The following SH3RF3 variants were observed in gnomAD, a reference collection of about 807,000 sequenced individuals.
SH3RF3 encodes the protein E3 ubiquitin-protein ligase SH3RF3.
Under a neutral mutation model 66.3 loss-of-function variants are expected in SH3RF3, and 29 were observed. The observed-to-expected ratio is 0.44, with a 90% confidence interval of 0.33 to 0.60. The LOEUF is 0.60. SH3RF3 is among the 20% of genes least tolerant of loss of function. SH3RF3 has a pLI of 0.04. For missense variants in SH3RF3, 1,194 were observed against 1,190.9 expected, an observed-to-expected ratio of 1.00 and a Z score of -0.04; for synonymous variants, 583 against 532.0, an observed-to-expected ratio of 1.10 and a Z score of -1.32.
intron 1 of SH3RF3, among the ~76,000 whole-genome samples, chr2:109,148,053 T>C (rs974286544): frequency 2.0e-5 from 3 of 152,190 alleles, no homozygotes; most frequent in African/African-American, 7.2e-5. Flanking sequence ...GCATGGTGAC[T>C]GTGGAATTCG....
chr2:109,253,986 A>T (rs938719865), intron 1 of SH3RF3, among the ~76,000 whole-genome samples: 9 of 151,658 alleles, frequency 5.9e-5, no homozygotes, highest in Admixed American at 5.2e-4. Flanking sequence ...GGCCCCTGAG[A>T]TGTGTAGGTT....
chr2:109,394,344 C>A (rs568289072), intron 3 of SH3RF3, among the ~76,000 whole-genome samples: 5 of 152,114 alleles, frequency 3.3e-5, no homozygotes, highest in African/African-American at 1.2e-4. Context: ...CCTGGCCCAA[C>A]CTTTACTGTC....
chr2:109,194,130 A>T (rs1256502532), intron 1 of SH3RF3, among the ~76,000 whole-genome samples: 1 of 152,222 alleles, frequency 6.6e-6, no homozygotes, highest in African/African-American at 2.4e-5. Context: ...GTTGCTGTTG[A>T]TGGAGTCACT....
At chr2:109,408,832 G>T (rs1676516026) in intron 4 of SH3RF3, among the ~76,000 whole-genome samples, 1 of 152,254 alleles carries the variant, frequency 6.6e-6, no homozygotes, top group Admixed American at 6.5e-5. Context: ...GGATGGAGAA[G>T]CCTCTGGCCT....
rs192689542 is a variant in SH3RF3 at position 109,253,433 on chromosome 2, C to T, written c.574-94241C>T. ...TGTCCATGTGGTTTCAGGACGTGGGCGCTGCTTTCCGGGTGGGCTGGTGAG... is the reference window on the plus strand; with the variant it reads ...TGTCCATGTGGTTTCAGGACGTGGGTGCTGCTTTCCGGGTGGGCTGGTGAG... On this transcript the variant is annotated intron_variant, in intron 1 of 9. Coordinates refer to ENST00000309415, the MANE Select transcript of SH3RF3 (RefSeq NM_001099289.3). Among the ~76,000 whole-genome samples the T allele has an allele frequency of 1.1e-3, 170 of 152,272 alleles. 1 individual carries two copies. The highest frequency in any genetic ancestry group is 3.8e-3 in the African/African-American group (157 of 41,546).
intron 1 of SH3RF3, among the ~76,000 whole-genome samples, chr2:109,316,328 T>G (rs998478215): frequency 4.6e-5 from 7 of 152,124 alleles, no homozygotes; most frequent in South Asian, 2.1e-4. Flanking sequence ...GGAGGACATG[T>G]TGCCAGGTGA....
intron 3 of SH3RF3, among the ~76,000 whole-genome samples, chr2:109,377,036 G>A (rs181225578): frequency 5.9e-5 from 9 of 152,334 alleles, no homozygotes; most frequent in Admixed American, 5.2e-4. Context: ...CTCAGAGTCC[G>A]GGCTATTTTG....
chr2:109,402,964 G>A (rs1334190437), intron 4 of SH3RF3, among the ~76,000 whole-genome samples: 1 of 152,152 alleles, frequency 6.6e-6, no homozygotes. Context: ...GCACTGTGCT[G>A]TCCAACGCAT....
intron 1 of SH3RF3, among the ~76,000 whole-genome samples, chr2:109,345,762 C>G (rs1682678222): frequency 6.6e-6 from 1 of 152,174 alleles, no homozygotes; most frequent in Non-Finnish European, 1.5e-5. Flanking sequence ...CTTACTCTGT[C>G]TTTTTTGTAA....
At chr2:109,387,789 G>A (rs1675864234) in intron 3 of SH3RF3, among the ~76,000 whole-genome samples, 1 of 152,180 alleles carries the variant, frequency 6.6e-6, no homozygotes, top group Non-Finnish European at 1.5e-5. Context: ...ACAGTGCTAA[G>A]CAGAGCCCCT....
intron 1 of SH3RF3, among the ~76,000 whole-genome samples, chr2:109,218,822 G>A (rs972104562): frequency 6.6e-6 from 1 of 152,136 alleles, no homozygotes; most frequent in Non-Finnish European, 1.5e-5. Flanking sequence ...AAATACATTA[G>A]AGGTGATTAA....
intron 1 of SH3RF3, among the ~76,000 whole-genome samples, chr2:109,340,220 T>C (rs1037481607): frequency 6.6e-6 from 1 of 152,188 alleles, no homozygotes; most frequent in Admixed American, 6.5e-5. Context: ...GACAAGTTAC[T>C]GGACCTCACT....
At chr2:109,249,519 T>TTTTC (rs1204320971) in intron 1 of SH3RF3, among the ~76,000 whole-genome samples, 1 of 61,900 alleles carries the variant, frequency 1.6e-5, no homozygotes, top group South Asian at 5.9e-4. Flanking sequence ...CATTCTTTCT[T>TTTTC]TTTCTTTCTT....
chr2:109,308,058 A>G (rs1368372391), intron 1 of SH3RF3, among the ~76,000 whole-genome samples: 2 of 147,158 alleles, frequency 1.4e-5, no homozygotes, highest in Non-Finnish European at 3.0e-5. Flanking sequence ...AAGTGTTCCT[A>G]TTTCTCCACA....
chr2:109,337,357 C>G (rs376078208), intron 1 of SH3RF3, among the ~76,000 whole-genome samples: 2 of 152,246 alleles, frequency 1.3e-5, no homozygotes, highest in East Asian at 3.9e-4. Flanking sequence ...TGGCCCTGCT[C>G]CCATCTGTCC....
intron 1 of SH3RF3, among the ~76,000 whole-genome samples, chr2:109,238,750 A>C (rs982743428): frequency 6.6e-6 from 1 of 152,148 alleles, no homozygotes; most frequent in African/African-American, 2.4e-5. Context: ...CAGCTGCTAC[A>C]TGCTTGCATC....
chr2:109,263,090 C>T (rs1047113203), intron 1 of SH3RF3, among the ~76,000 whole-genome samples: 2 of 152,132 alleles, frequency 1.3e-5, no homozygotes, highest in African/African-American at 4.8e-5. Flanking sequence ...AGGTAATTCA[C>T]CCACCTCGGC....
At chr2:109,157,222 C>T (rs1330813501) in intron 1 of SH3RF3, among the ~76,000 whole-genome samples, 2 of 152,156 alleles carry the variant, frequency 1.3e-5, no homozygotes, top group Non-Finnish European at 2.9e-5. Flanking sequence ...TCTTCTACTC[C>T]TCAGCTCTGC....
At chr2:109,483,718 G>A (rs1271160658) in intron 8 of SH3RF3, among the ~76,000 whole-genome samples, 1 of 152,220 alleles carries the variant, frequency 6.6e-6, no homozygotes, top group Non-Finnish European at 1.5e-5. Context: ...TCTTGTGGCT[G>A]TCACCCAGCT....
Sources: allele counts gnomAD v4.1 joint callset (sites outside exome capture counted in the v4.1 genomes callset), GRCh38; gene constraint gnomAD v4.1.1; transcripts MANE v1.5; gene names NCBI Gene and HGNC (gene_info 2026-07-23, HGNC 2026-07-21).